Variants in RICTOR observed in about 807,000 individuals in gnomAD.
RICTOR encodes the protein rapamycin-insensitive companion of mTOR.
A neutral mutation model predicts 214.9 loss-of-function variants in RICTOR; 49 were observed. That is an observed-to-expected ratio of 0.23 (90% confidence interval 0.18 to 0.29). The LOEUF is 0.29. Among genes scored for constraint, RICTOR ranks in the 10% least tolerant of loss-of-function variants. The pLI, the probability that RICTOR is intolerant of heterozygous loss-of-function variation, is 1.00. For synonymous variants in RICTOR, 717 were observed against 711.3 expected, an observed-to-expected ratio of 1.01 and a Z score of -0.13; for missense variants, 1,625 against 2,047.0, an observed-to-expected ratio of 0.79 and a Z score of 3.98.
chr5:39,016,492 A>C (rs1225454469), intron 3 of RICTOR, among the ~76,000 whole-genome samples: 4 of 152,038 alleles, frequency 2.6e-5, no homozygotes, highest in Non-Finnish European at 5.9e-5. Context: ...AGAAAGAGAG[A>C]GGAGGTGGAG....
intron 2 of RICTOR, among the ~76,000 whole-genome samples, chr5:39,071,323 C>T (rs779800948): frequency 6.6e-6 from 1 of 151,936 alleles, no homozygotes; most frequent in Non-Finnish European, 1.5e-5. Context: ...ATAGACTATA[C>T]CCAATTAGTA....
At chr5:39,019,416 C>G (rs1278265699) in intron 3 of RICTOR, among the ~76,000 whole-genome samples, 4 of 152,050 alleles carry the variant, frequency 2.6e-5, no homozygotes, top group Non-Finnish European at 5.9e-5. Context: ...TAATGCAGCT[C>G]GTGACTTTAG....
At chr5:39,058,426 G>C (rs1394536604) in intron 2 of RICTOR, among the ~76,000 whole-genome samples, 1 of 152,008 alleles carries the variant, frequency 6.6e-6, no homozygotes, top group African/African-American at 2.4e-5. Flanking sequence ...TCAGATGTTA[G>C]ATACTATCAG....
chr5:39,029,316 C>T (rs1017315624), intron 2 of RICTOR, among the ~76,000 whole-genome samples: 2 of 152,000 alleles, frequency 1.3e-5, no homozygotes, highest in Admixed American at 1.3e-4. Context: ...ATAATACATA[C>T]ACCACCAAGA....
chr5:38,950,642 T>C lies in RICTOR; in HGVS notation c.3206A>G (p.Glu1069Gly). The change falls in exon 31 of 38, where the codon GAG becomes GGG. Residue 1069 changes from glutamate to glycine, a missense_variant. Physicochemically the swap from Glu to Gly is moderately conservative, Grantham distance 98. This residue lies in a region of RICTOR where 1,214 missense variants were observed against 1,470.5 expected (regional missense o/e 0.83). Coordinates refer to ENST00000357387, the MANE Select transcript of RICTOR (RefSeq NM_152756.5). ...TCCAGATCGGTCATAAAATGTTGGC[T>C]CTGTATCTTCATTGATATCAAGGAA... is the stretch of plus-strand genomic sequence containing the variant. ...TFFLDINEDT[E>G]PTFYDRSGPI... The C allele has an allele frequency of 1.2e-6, 2 of 1,612,574 alleles. No individual in the cohort carries two copies. Among genetic ancestry groups the C allele is most frequent in the Non-Finnish European group, 1.7e-6 (2 of 1,179,140 alleles).
chr5:39,037,873 C>G (rs1347388645), intron 2 of RICTOR, among the ~76,000 whole-genome samples: 1 of 152,204 alleles, frequency 6.6e-6, no homozygotes, highest in Admixed American at 6.5e-5. Context: ...GATTCACAGC[C>G]AAGTTCTACC....
intron 15 of RICTOR, among the ~76,000 whole-genome samples, 164 bp downstream of exon 15, chr5:38,966,476 TC>T (rs1334690362): frequency 6.6e-6 from 1 of 152,270 alleles, no homozygotes; most frequent in African/African-American, 2.4e-5. Flanking sequence ...TACATATCTA[TC>T]TCAGGATACA....
intron 2 of RICTOR, among the ~76,000 whole-genome samples, chr5:39,067,784 T>C (rs986791353): frequency 1.3e-5 from 2 of 152,234 alleles, no homozygotes. Context: ...CTCCATTTTA[T>C]GGCACCATCA....
At chr5:39,074,021 CG>C in intron 2 of RICTOR, 89 bp downstream of exon 2, 1 of 955,664 alleles carries the variant, frequency 1.0e-6, no homozygotes, top group Non-Finnish European at 1.4e-6. Context: ...CGGTCCCGTG[CG>C]GGGCCCGCCC....
intron 2 of RICTOR, among the ~76,000 whole-genome samples, chr5:39,070,907 G>C (rs981770959): frequency 6.6e-6 from 1 of 152,060 alleles, no homozygotes; most frequent in African/African-American, 2.4e-5. Context: ...CAAATATTGG[G>C]GACTTTCACA....
chr5:38,981,701 G>C, intron 8 of RICTOR, 166 bp downstream of exon 8: 2 of 495,608 alleles, frequency 4.0e-6, no homozygotes, highest in South Asian at 7.6e-5. Flanking sequence ...TTTCAATTCA[G>C]TCCAAACTGA....
intron 31 of RICTOR, 134 bp from the exon 32 acceptor site, chr5:38,947,575 A>T: frequency 1.6e-6 from 1 of 635,294 alleles, no homozygotes; most frequent in East Asian, 2.7e-5. Flanking sequence ...CATCTTGTTT[A>T]CTGGCAACAC....
chr5:39,066,216 A>C (rs1758894970), intron 2 of RICTOR, among the ~76,000 whole-genome samples: 1 of 152,248 alleles, frequency 6.6e-6, no homozygotes, highest in South Asian at 2.1e-4. Context: ...CATGTAAGCC[A>C]TCAAGTCTTA....
At chr5:38,990,429 C>T (rs764406579) in intron 7 of RICTOR, among the ~76,000 whole-genome samples, 4 of 151,316 alleles carry the variant, frequency 2.6e-5, no homozygotes, top group Non-Finnish European at 5.9e-5. Flanking sequence ...CATATGTATA[C>T]CTATGTAACA....
intron 3 of RICTOR, among the ~76,000 whole-genome samples, chr5:39,014,436 G>C (rs1279108530): frequency 1.3e-5 from 2 of 151,800 alleles, no homozygotes; most frequent in Non-Finnish European, 2.9e-5. Context: ...GGTATGAAAG[G>C]GAAGAATTTC....
chr5:39,027,622 AT>A (rs1320552153), intron 2 of RICTOR, among the ~76,000 whole-genome samples: 4 of 152,146 alleles, frequency 2.6e-5, no homozygotes, highest in African/African-American at 9.7e-5. Flanking sequence ...GTTAAAGTTT[AT>A]TTTTTAGAGT....
At chr5:39,060,178 T>G (rs544309633) in intron 2 of RICTOR, among the ~76,000 whole-genome samples, 1 of 152,106 alleles carries the variant, frequency 6.6e-6, no homozygotes, top group Non-Finnish European at 1.5e-5. Context: ...TCACCTACTC[T>G]GAACTATGCT....
Position 38,964,773 on chromosome 5 carries a change from C to A in RICTOR, c.1400+19G>T. The A allele has an allele frequency of 7.7e-7, 1 of 1,300,546 alleles. No individual in the cohort carries two copies. Among genetic ancestry groups the A allele is most frequent in the Non-Finnish European group, 1.1e-6 (1 of 917,926 alleles). 80.6% of individuals were successfully genotyped at this position (1,300,546 alleles called of 1,614,324 possible). On this transcript the variant is annotated intron_variant, in intron 16 of 37. Transcript: ENST00000357387. Reference sequence around the variant, plus strand: ...TTAAATATATCAAACAAAAGCTTTGCTAAAGCTCTGATACTTACAGTCTCT... The same window carrying A: ...TTAAATATATCAAACAAAAGCTTTGATAAAGCTCTGATACTTACAGTCTCT...
chr5:39,053,784 C>G (rs1303544375), intron 2 of RICTOR, among the ~76,000 whole-genome samples: 1 of 147,794 alleles, frequency 6.8e-6, no homozygotes, highest in African/African-American at 2.6e-5. Context: ...CCCAGCTACT[C>G]GGGAGGCTGA....
Sources: gnomAD v4.1 joint callset for allele counts (sites outside exome capture counted in the v4.1 genomes callset) on GRCh38, gnomAD v4.1.1 for gene constraint, gnomAD v4.1.1 regional missense constraint, MANE v1.5 for transcripts, NCBI Gene and HGNC (gene_info 2026-07-23, HGNC 2026-07-21) for gene names.